Variants in ZFAND4 observed in about 807,000 individuals in gnomAD.
ZFAND4 encodes the protein AN1-type zinc finger protein 4.
Under a neutral mutation model 64.4 loss-of-function variants are expected in ZFAND4, and 43 were observed. That is an observed-to-expected ratio of 0.67 (90% CI 0.52 to 0.86). The LOEUF is 0.86. Among genes scored for constraint, ZFAND4 ranks in the 40% least tolerant of loss-of-function variants. The pLI is 0.00. For missense variants in ZFAND4, 929 were observed against 859.8 expected, an observed-to-expected ratio of 1.08 and a Z score of -1.01; for synonymous variants, 296 against 305.7, an observed-to-expected ratio of 0.97 and a Z score of 0.33.
At chr10:45,663,982 G>C (rs1411232534) in intron 1 of ZFAND4, 140 bp from the exon 2 acceptor site, 1 of 337,380 alleles carries the variant, frequency 3.0e-6, no homozygotes, top group East Asian at 5.8e-5. Context: ...GTCTAATCCT[G>C]AACTTTTCAC....
At chr10:45,648,575 A>G in intron 4 of ZFAND4, 41 bp from the exon 5 acceptor site, 1 of 1,564,152 alleles carries the variant, frequency 6.4e-7, no homozygotes, top group South Asian at 1.2e-5. Flanking sequence ...ATTTGGATCA[A>G]GTTTTATGCA....
intron 1 of ZFAND4, among the ~76,000 whole-genome samples, chr10:45,664,781 A>G (rs1372993470): frequency 6.6e-6 from 1 of 151,908 alleles, no homozygotes; most frequent in Admixed American, 6.6e-5. Flanking sequence ...CAAGAAAAAA[A>G]TGAGCTGGGC....
chr10:45,652,097 T>C (rs41301631), intron 3 of ZFAND4, 64 bp from the exon 4 acceptor site: 49,648 of 1,525,994 alleles, frequency 0.033, 993 homozygotes, highest in East Asian at 0.081. Context: ...AATGTACACA[T>C]AATTATGTGC....
chr10:45,672,464 C>A lies in ZFAND4; in HGVS notation c.-332G>T, dbSNP rs2049264159. 1 of 152,334 alleles carries A rather than the reference C, an allele frequency of 6.6e-6. No homozygotes were observed. The highest frequency in any genetic ancestry group is 1.5e-5 in the Non-Finnish European group (1 of 68,128). 9.4% of individuals were successfully genotyped at this position (152,334 alleles called of 1,614,324 possible). A position where few individuals can be genotyped will look rare whatever the true frequency, so the allele number is the denominator to read the frequency against. ...GCGTGTGTCCTGGGCAAAGGCGGCC[C>A]GCCGCTCCGGTCCCCGGGCAGCAGC... On this transcript the variant is annotated 5_prime_UTR_variant, in exon 1 of 10. Transcript: ENST00000344646.
rs866254965 is a variant in ZFAND4, at chr10:45,651,237, C to T, written c.328+729G>A. On this transcript the variant is annotated intron_variant, in intron 4 of 9. Transcript: ENST00000344646. Reference sequence around the variant, plus strand: ...ACTCAGGGACCAATGTGAATACTGCCGTCTCTTCTTGTGCTTAATAAAACC... The same window carrying T: ...ACTCAGGGACCAATGTGAATACTGCTGTCTCTTCTTGTGCTTAATAAAACC... The T allele has an allele frequency of 1.4e-4, 25 of 174,846 alleles. 1 individual carries two copies. The highest frequency in any genetic ancestry group is 1.1e-3 in the Admixed American group (19 of 17,912). The allele number at this position is 174,846 out of a possible 1,614,324, so 10.8% of individuals were successfully genotyped here. A position where few individuals can be genotyped will look rare whatever the true frequency, so the allele number is the denominator to read the frequency against.
At chr10:45,625,622 G>C (rs1022613176) in intron 7 of ZFAND4, among the ~76,000 whole-genome samples, 2 of 151,502 alleles carry the variant, frequency 1.3e-5, no homozygotes, top group African/African-American at 2.4e-5. Flanking sequence ...TGGGTGTATT[G>C]GCATGTTCCT....
In ZFAND4 at chr10:45,625,959, C is replaced by T. The variant is rs752869957; in HGVS notation, c.1864G>A (p.Val622Ile). The change falls in exon 7 of 10, where the codon GTT becomes ATT. Residue 622 changes from valine to isoleucine, a missense_variant. Coordinates refer to ENST00000344646, the MANE Select transcript of ZFAND4 (RefSeq NM_174890.4). The stretch of plus-strand genomic sequence containing the variant: ...GAAAGGAAAATACTGACCAAAAAAA[C>T]TCCTGTATGTTCTAACTGGGGAGAA... ...KSSPQLEHTG[V>I]FLSTHGVGMN... The T allele has an allele frequency of 1.2e-6, 2 of 1,612,854 alleles. No individual in the cohort carries two copies. The highest frequency in any genetic ancestry group is 1.1e-5 in the South Asian group (1 of 90,892).
chr10:45,639,658 C>T, intron 6 of ZFAND4, 158 bp downstream of exon 6: 1 of 819,512 alleles, frequency 1.2e-6, no homozygotes, highest in South Asian at 3.0e-5. Flanking sequence ...TCCAAAAAAT[C>T]CAATTTATCC....
intron 4 of ZFAND4, 117 bp from the exon 5 acceptor site, chr10:45,648,651 C>A: frequency 9.1e-7 from 1 of 1,101,502 alleles, no homozygotes. Flanking sequence ...ATAATATAAA[C>A]ATGATATTCT....
Position 45,672,601 on chromosome 10 carries a change from G to C in ZFAND4, c.-469C>G, listed in dbSNP as rs991288851. On this transcript the variant is annotated 5_prime_UTR_variant, in exon 1 of 10. Transcript: ENST00000344646. ...CGCCATTCCGGCCCCACGACGGCCG[G>C]CGGCGGCAGCGCGGCTGGGCTCAGC... 7 of 151,936 alleles carry C rather than the reference G, an allele frequency of 4.6e-5. No homozygotes were observed. Among genetic ancestry groups the C allele is most frequent in the African/African-American group, 1.7e-4 (7 of 41,408 alleles). The allele number at this position is 151,936 out of a possible 1,614,324, so 9.4% of individuals were successfully genotyped here.
Position 45,622,757 on chromosome 10 carries a change from T to G in ZFAND4, c.1927+1826A>C, listed in dbSNP as rs1589243115. 2.6e-5 allele frequency among the ~76,000 whole-genome samples: 4 copies of G among 152,198 alleles called. No individual in the cohort carries two copies. The South Asian group carries it at 8.3e-4, about 31-fold the overall frequency. Reference sequence around the variant, plus strand: ...CAGAACATCAGATACTTCATTGGGTTTTATAGTGGCTTTCTGATTTTTGGT... The same window carrying G: ...CAGAACATCAGATACTTCATTGGGTGTTATAGTGGCTTTCTGATTTTTGGT... On this transcript the variant is annotated intron_variant, in intron 8 of 9. Transcript: ENST00000344646.
chr10:45,670,225 ATTTTT>A (rs202120323), intron 1 of ZFAND4, among the ~76,000 whole-genome samples: 7 of 138,528 alleles, frequency 5.1e-5, no homozygotes, highest in African/African-American at 5.3e-5. Context: ...CAACTATCTG[ATTTTT>A]TTTTTTTTTT....
In ZFAND4 at chr10:45,647,782, T is replaced by TA. The variant is rs537453673; in HGVS notation, c.569+511dup. Reference sequence around the variant, plus strand: ...CTTAATAACTTGAAGTGAAAGGAGATAAAAAAATCATAGTAACTCAGAATG... The same window carrying TA: ...CTTAATAACTTGAAGTGAAAGGAGATAAAAAAAATCATAGTAACTCAGAATG... On this transcript the variant is annotated intron_variant, in intron 5 of 9. Coordinates refer to ENST00000344646, the MANE Select transcript of ZFAND4 (RefSeq NM_174890.4). 8.4e-4 allele frequency among the ~76,000 whole-genome samples: 128 copies of TA among 152,242 alleles called. No homozygotes were observed. The Middle Eastern group carries it at 0.01, about 12-fold the overall frequency.
At position 45,626,473 on chromosome 10, in the gene ZFAND4, A is replaced by G. The variant is rs369262683; in HGVS notation, c.1350T>C (p.Asn450=). 5.0e-6 allele frequency: 8 copies of G among 1,613,618 alleles called. No homozygotes were observed. The highest frequency in any genetic ancestry group is 6.8e-6 in the Non-Finnish European group (8 of 1,180,038). The change falls in exon 7 of 10, where the codon AAT becomes AAC. Residue 450 remains asparagine, a synonymous_variant. Coordinates refer to ENST00000344646, the MANE Select transcript of ZFAND4 (RefSeq NM_174890.4). ...GAACTGAAGTCTCTACTGATTCCCC[A>G]TTCAGCACTCCTGCAACATGCTTGA... The part of the protein sequence containing the change: ...QHLKHVAGVL[N]GESVETSVLN...
At chr10:45,617,286 AG>A (rs1775258028) in intron 9 of ZFAND4, among the ~76,000 whole-genome samples, 1 of 152,104 alleles carries the variant, frequency 6.6e-6, no homozygotes, top group South Asian at 2.1e-4. Context: ...AAATATTTCT[AG>A]TAGCAAAATA....
In ZFAND4 at chr10:45,626,705, T is replaced by G. The variant is rs753567197; in HGVS notation, c.1118A>C (p.Asn373Thr). 1.2e-6 allele frequency: 2 copies of G among 1,614,194 alleles called. No individual in the cohort carries two copies. Among genetic ancestry groups the G allele is most frequent in the Non-Finnish European group, 1.7e-6 (2 of 1,180,022 alleles). Residue 373 changes from asparagine (N) to threonine (T), a missense_variant, in exon 7 of 10, where the codon AAC becomes ACC. Coordinates refer to ENST00000344646, the MANE Select transcript of ZFAND4 (RefSeq NM_174890.4). Reference sequence around the variant, plus strand: ...AATGTTCCCATTACTAGATGGCAAGTTTCCTAAAAAATGTTTTGTTTGCCT... The same window carrying G: ...AATGTTCCCATTACTAGATGGCAAGGTTCCTAAAAAATGTTTTGTTTGCCT... ...LPRQTKHFLG[N>T]LPSSNGNIVL...
At chr10:45,637,952 C>CA (rs1202566574) in intron 6 of ZFAND4, among the ~76,000 whole-genome samples, 5 of 152,008 alleles carry the variant, frequency 3.3e-5, no homozygotes, top group African/African-American at 1.2e-4. Context: ...GCAGAGAACT[C>CA]AATTTAAAAA....
Position 45,655,032 on chromosome 10 carries a change from G to T in ZFAND4, c.185-1973C>A, listed in dbSNP as rs185693173. ...ACAGATATTTACAGAACATTCAACC[G>T]AAGAACTGAAAAATATACATTCGTC... On this transcript the variant is annotated intron_variant, in intron 2 of 9. Transcript: ENST00000344646. Among the ~76,000 whole-genome samples the T allele has an allele frequency of 5.9e-5, 9 of 152,072 alleles. 1 individual carries two copies. In the South Asian group the frequency reaches 1.9e-3, roughly 32 times the overall value.
chr10:45,649,042 G>A (rs1171872322), intron 4 of ZFAND4: 7 of 658,444 alleles, frequency 1.1e-5, no homozygotes, highest in Non-Finnish European at 1.3e-5. Flanking sequence ...GCCGAGGCGG[G>A]CAGATCATGA....
Sources: allele counts gnomAD v4.1 joint callset (sites outside exome capture counted in the v4.1 genomes callset), GRCh38; gene constraint gnomAD v4.1.1; transcripts MANE v1.5; gene names NCBI Gene and HGNC (gene_info 2026-07-23, HGNC 2026-07-21).